Variants in RIT2 observed in about 807,000 individuals in gnomAD.
RIT2 encodes the protein GTP-binding protein Rit2.
A neutral mutation model predicts 23.7 loss-of-function variants in RIT2; 24 were observed. The observed-to-expected ratio is 1.01, with a 90% confidence interval of 0.73 to 1.43. The LOEUF (loss-of-function observed/expected upper bound fraction) is 1.43, where lower values mean the gene tolerates loss of function less well. RIT2 is among the 40% of genes most tolerant of loss of function. The pLI, the probability that RIT2 is intolerant of heterozygous loss-of-function variation, is 0.00. For missense variants in RIT2, 236 were observed against 266.9 expected (o/e 0.88, Z 0.81); for synonymous variants, 107 against 91.1 (o/e 1.17, Z -0.99).
In RIT2 at chr18:43,115,433, C is replaced by A. The variant is rs1379722669; in HGVS notation, c.87G>T (p.Gly29=). 6.2e-7 allele frequency: 1 copy of A among 1,613,562 alleles called. No homozygotes were observed. Among genetic ancestry groups the A allele is most frequent in the African/African-American group, 1.3e-5 (1 of 74,990 alleles). ...REYKVVMLGA[G]GVGKSAMTMQ... is the part of the protein sequence containing the mutation. ...AAAACTTACCGCTTTTACCAACTCC[C>A]CCTGCTCCCAGCATTACCACCTTGT... The change falls in exon 1 of 5, where the codon GGG becomes GGT. Residue 29 remains glycine, a synonymous_variant. Transcript: ENST00000326695.
chr18:42,750,030 G>A (rs1193671178), intron 4 of RIT2, among the ~76,000 whole-genome samples: 1 of 151,736 alleles, frequency 6.6e-6, no homozygotes, highest in Admixed American at 6.6e-5. Context: ...GCTGTTCAAT[G>A]TAAATAAATG....
At chr18:42,881,934 A>T (rs1907906429) in intron 4 of RIT2, among the ~76,000 whole-genome samples, 1 of 152,224 alleles carries the variant, frequency 6.6e-6, no homozygotes, top group Admixed American at 6.5e-5. Flanking sequence ...ATACAGGCGG[A>T]TCACTCCAAA....
intron 2 of RIT2, 21 bp downstream of exon 2, chr18:43,033,782 GCTTACGGA>G (rs1911911507): frequency 9.9e-6 from 15 of 1,510,406 alleles, no homozygotes; most frequent in Non-Finnish European, 1.4e-5. Flanking sequence ...CTTTATTTGA[GCTTACGGA>G]GAAAGGAAGC....
Position 43,078,988 on chromosome 18 carries a change from G to T in RIT2, c.103+36429C>A, listed in dbSNP as rs115702867. On this transcript the variant is annotated intron_variant, in intron 1 of 4. Transcript: ENST00000326695. ...TAAATAAAATTCCAGTGACAGAGCA[G>T]AGCCCTGTCAGATAAATTACATTAT... Among the ~76,000 whole-genome samples the T allele has an allele frequency of 3.5e-3, 534 of 152,268 alleles. 3 individuals carry two copies. The highest frequency in any genetic ancestry group is 0.011 in the African/African-American group (450 of 41,556).
intron 4 of RIT2, among the ~76,000 whole-genome samples, chr18:42,875,783 T>A (rs961244808): frequency 6.6e-6 from 1 of 152,090 alleles, no homozygotes; most frequent in African/African-American, 2.4e-5. Context: ...GTTTTTCCTG[T>A]CCTTCTTTCT....
chr18:42,939,038 AC>A, intron 3 of RIT2, among the ~76,000 whole-genome samples: 1 of 152,274 alleles, frequency 6.6e-6, no homozygotes, highest in East Asian at 1.9e-4. Context: ...GTGAAGCACC[AC>A]CCCAGGCCAA....
chr18:42,865,455 A>G (rs1907445625), intron 4 of RIT2, among the ~76,000 whole-genome samples: 1 of 152,228 alleles, frequency 6.6e-6, no homozygotes, highest in Non-Finnish European at 1.5e-5. Context: ...ATAGCAATGT[A>G]TAAACATATT....
Position 42,743,415 on chromosome 18 carries a change from T to A in RIT2, c.*78A>T, listed in dbSNP as rs1048070075. The stretch of plus-strand genomic sequence containing the variant: ...GAGAGAGAGACACATAGAGAGATAA[T>A]ATTGAAGCAGAATGCTACATATGGA... On this transcript the variant is annotated 3_prime_UTR_variant, in exon 5 of 5. Coordinates refer to ENST00000326695, the MANE Select transcript of RIT2 (RefSeq NM_002930.4). 20 of 1,022,112 alleles carry A rather than the reference T, an allele frequency of 2.0e-5. No individual in the cohort carries two copies. Among genetic ancestry groups the A allele is most frequent in the Non-Finnish European group, 2.9e-5 (19 of 661,382 alleles). 63.3% of individuals were successfully genotyped at this position (1,022,112 alleles called of 1,614,324 possible). A position where few individuals can be genotyped will look rare whatever the true frequency, so the allele number is the denominator to read the frequency against.
At chr18:42,972,073 CA>C (rs1466275924) in intron 3 of RIT2, among the ~76,000 whole-genome samples, 1 of 151,926 alleles carries the variant, frequency 6.6e-6, no homozygotes, top group Non-Finnish European at 1.5e-5. Context: ...TGCTATTTCC[CA>C]GAGCAGCCAT....
chr18:43,073,353 T>C (rs1912941129), intron 1 of RIT2, among the ~76,000 whole-genome samples: 1 of 152,222 alleles, frequency 6.6e-6, no homozygotes, highest in African/African-American at 2.4e-5. Context: ...CTTGGTTATG[T>C]TCTTTTTATC....
intron 4 of RIT2, among the ~76,000 whole-genome samples, chr18:42,796,412 C>G (rs994057387): frequency 6.6e-5 from 10 of 152,068 alleles, no homozygotes; most frequent in Non-Finnish European, 1.3e-4. Flanking sequence ...TAACACTCAC[C>G]GCGAGGGTCC....
intron 4 of RIT2, among the ~76,000 whole-genome samples, chr18:42,906,848 G>A (rs1331457248): frequency 2.6e-5 from 4 of 152,004 alleles, no homozygotes; most frequent in African/African-American, 9.7e-5. Flanking sequence ...ATTATTCCTT[G>A]TCTTTGTACA....
At chr18:42,778,452 CT>C (rs796078304) in intron 4 of RIT2, among the ~76,000 whole-genome samples, 126 of 152,178 alleles carry the variant, frequency 8.3e-4, no homozygotes, top group African/African-American at 2.9e-3. Flanking sequence ...ATCTACTGGA[CT>C]TTATAAACAC....
At chr18:42,784,583 T>C (rs1264663596) in intron 4 of RIT2, among the ~76,000 whole-genome samples, 1 of 152,084 alleles carries the variant, frequency 6.6e-6, no homozygotes, top group Non-Finnish European at 1.5e-5. Context: ...ATATTAGAAT[T>C]ACTATTAGTC....
chr18:42,928,975 C>A (rs1909253001), intron 3 of RIT2, among the ~76,000 whole-genome samples: 1 of 143,452 alleles, frequency 7.0e-6, no homozygotes, highest in South Asian at 2.2e-4. Flanking sequence ...TTATATATGA[C>A]AGGCATGTAA....
At chr18:42,957,993 G>C (rs891331549) in intron 3 of RIT2, among the ~76,000 whole-genome samples, 1 of 152,122 alleles carries the variant, frequency 6.6e-6, no homozygotes, top group African/African-American at 2.4e-5. Flanking sequence ...AAGATTTTGA[G>C]AGGAAGCAGG....
intron 4 of RIT2, among the ~76,000 whole-genome samples, chr18:42,824,487 G>A (rs1269972986): frequency 1.3e-5 from 2 of 151,978 alleles, no homozygotes; most frequent in Non-Finnish European, 2.9e-5. Flanking sequence ...GTATGCACAA[G>A]ATTCATTTCA....
intron 4 of RIT2, among the ~76,000 whole-genome samples, chr18:42,812,755 G>A (rs1460716994): frequency 1.3e-5 from 2 of 152,146 alleles, no homozygotes; most frequent in Admixed American, 1.3e-4. Context: ...TATTCATGCT[G>A]ATTGGATAGA....
intron 4 of RIT2, among the ~76,000 whole-genome samples, chr18:42,781,905 G>A (rs1456767252): frequency 6.6e-6 from 1 of 152,028 alleles, no homozygotes; most frequent in Non-Finnish European, 1.5e-5. Flanking sequence ...TGGGAAAATG[G>A]GTAATTTCAT....
Sources: allele counts gnomAD v4.1 joint callset (sites outside exome capture counted in the v4.1 genomes callset), GRCh38; gene constraint gnomAD v4.1.1; transcripts MANE v1.5; gene names NCBI Gene and HGNC (gene_info 2026-07-23, HGNC 2026-07-21).